MINK1: variants seen among roughly 807,000 people sequenced by gnomAD.
The protein encoded by MINK1 is misshapen like kinase 1, also known as misshapen-like kinase 1.
A neutral mutation model predicts 178.4 loss-of-function variants in MINK1; 46 were observed. That is an observed-to-expected ratio of 0.26 (90% CI 0.20 to 0.33). The LOEUF (loss-of-function observed/expected upper bound fraction) is 0.33, where lower values mean the gene tolerates loss of function less well. MINK1 is among the 10% of genes least tolerant of loss of function. MINK1 has a pLI of 1.00. For synonymous variants in MINK1, 797 were observed against 709.7 expected (o/e 1.12, Z -1.96); for missense variants, 1,366 against 1,814.9 (o/e 0.75, Z 4.49).
rs1214513729 is a variant in MINK1, at chr17:4,892,504, C to T, written c.2190C>T (p.Asn730=). 11 of 1,560,498 alleles carry T rather than the reference C, an allele frequency of 7.0e-6. No individual in the cohort carries two copies. The highest frequency in any genetic ancestry group is 3.8e-5 in the Admixed American group (2 of 52,860). The change falls in exon 18 of 32, where the codon AAC becomes AAT. Residue 730 remains asparagine, a synonymous_variant. Transcript: ENST00000355280. ...CTGCTCAGCCCCCTGGCCCGCCCAA[C>T]GCCTCTAGGTAATAGAGTTGTCCCC... ...GPPAQPPGPP[N]ASSNPDLRRS...
At chr17:4,842,508 A>G (rs2150754177) in intron 1 of MINK1, among the ~76,000 whole-genome samples, 1 of 152,336 alleles carries the variant, frequency 6.6e-6, no homozygotes, top group Middle Eastern at 3.4e-3. Context: ...CATGGCACAT[A>G]TCTAGCAGCT....
rs1968079097 is a variant in MINK1 at position 4,885,138 on chromosome 17, TC to T, written c.508+141del. 9 of 801,952 alleles carry T rather than the reference TC, an allele frequency of 1.1e-5. No homozygotes were observed. In the East Asian group the frequency reaches 2.4e-4, roughly 22 times the overall value. The allele number at this position is 801,952 out of a possible 1,614,324, so 49.7% of individuals were successfully genotyped here. On this transcript the variant is annotated intron_variant, in intron 6 of 31. Transcript: ENST00000355280. The surrounding 1 kb of genome is among the most constrained non-coding windows in gnomAD (Gnocchi z 5.0). The stretch of plus-strand genomic sequence containing the variant: ...GGCTCACTCCCTCCCCTTTCCCCTC[TC>T]CCCCTGGAATGCCCTGCCTCCTGCT...
chr17:4,837,660 G>A (rs973603984), intron 1 of MINK1, among the ~76,000 whole-genome samples: 1 of 152,228 alleles, frequency 6.6e-6, no homozygotes, highest in African/African-American at 2.4e-5. Context: ...GGACAAGGAG[G>A]GGGCAGGCCC....
intron 1 of MINK1, among the ~76,000 whole-genome samples, chr17:4,859,513 A>C (rs1913773447): frequency 6.6e-6 from 1 of 152,138 alleles, no homozygotes; most frequent in Non-Finnish European, 1.5e-5. Flanking sequence ...CAGGCACTTA[A>C]GAAAGACACT....
intron 1 of MINK1, chr17:4,860,868 G>A (rs1914065296): frequency 4.0e-6 from 2 of 496,302 alleles, no homozygotes; most frequent in Admixed American, 2.1e-5. Context: ...GAGCAACTTC[G>A]GGAAGCTTTT....
intron 12 of MINK1, among the ~76,000 whole-genome samples, chr17:4,889,289 T>C (rs1048510217): frequency 1.3e-5 from 2 of 152,138 alleles, no homozygotes; most frequent in Non-Finnish European, 2.9e-5. Flanking sequence ...ACCCGCTCTA[T>C]ATGGACTTCA....
rs190872070 is a variant in MINK1, at chr17:4,886,953, C to G, written c.950-157C>G. 1.1e-4 allele frequency among the ~76,000 whole-genome samples: 17 copies of G among 152,236 alleles called. No individual in the cohort carries two copies. On this transcript the variant is annotated intron_variant, in intron 10 of 31. Transcript: ENST00000355280. This position sits in a 1 kb window ranked among gnomAD's most constrained non-coding sequence, Gnocchi z 6.1. ...AGTCCCGGTCCTGTCCAGGCCCACA[C>G]CTGAGACCCGCTGTCCTCCCATTGC...
intron 1 of MINK1, among the ~76,000 whole-genome samples, chr17:4,848,417 G>A (rs981281527): frequency 3.3e-5 from 5 of 152,210 alleles, no homozygotes; most frequent in Non-Finnish European, 5.9e-5. Context: ...CTGGAGTGCA[G>A]TGGCGTGATC....
Position 4,884,923 on chromosome 17 carries a change from T to C in MINK1, c.429T>C (p.His143=), listed in dbSNP as rs199970406. The C allele has an allele frequency of 2.9e-4, 476 of 1,613,716 alleles. 3 individuals are homozygous for C. Among genetic ancestry groups the C allele is most frequent in the Non-Finnish European group, 5.8e-5 (69 of 1,179,834 alleles). The part of the protein sequence containing the change: ...ICREILRGLA[H]LHAHKVIHRD... ...CTCTCCTGTCCCAGGGTCTGGCCCA[T>C]CTCCATGCCCACAAGGTGATCCATC... is the stretch of plus-strand genomic sequence containing the variant. The change falls in exon 6 of 32, where the codon CAT becomes CAC. Residue 143 remains histidine (H), a synonymous_variant. Coordinates refer to ENST00000355280, the MANE Select transcript of MINK1 (RefSeq NM_153827.5).
rs1223570365 is a variant in MINK1 at position 4,891,083 on chromosome 17, C to G, written c.1699C>G (p.Pro567Ala). Residue 567 changes from proline (P) to alanine (A), a missense_variant, in exon 15 of 32, where the codon CCT becomes GCT. Coordinates refer to ENST00000355280, the MANE Select transcript of MINK1 (RefSeq NM_153827.5). ...CCCAGGACCCCTTTCCCAGACTCCT[C>G]CTATGCAGAGGCCGGTGGAGCCCCA... Reference protein sequence around the residue: ...GPPGPLSQTPPMQRPVEPQEG... With the variant: ...GPPGPLSQTPAMQRPVEPQEG... 6.4e-7 allele frequency: 1 copy of G among 1,552,338 alleles called. No homozygotes were observed. The highest frequency in any genetic ancestry group is 8.7e-7 in the Non-Finnish European group (1 of 1,148,332).
chr17:4,884,507 C>A, intron 5 of MINK1, 34 bp downstream of exon 5: 1 of 1,494,514 alleles, frequency 6.7e-7, no homozygotes, highest in Non-Finnish European at 9.3e-7. Context: ...GTCTTCTCCT[C>A]CGCTACCCTG....
intron 2 of MINK1, among the ~76,000 whole-genome samples, chr17:4,879,567 A>T (rs925380575): frequency 1.3e-5 from 2 of 152,172 alleles, no homozygotes; most frequent in African/African-American, 4.8e-5. Context: ...GAGGATAAAA[A>T]TTACCCATGG....
chr17:4,886,340 T>C lies in MINK1; in HGVS notation c.774-111T>C. 6.7e-7 allele frequency: 1 copy of C among 1,499,540 alleles called. No homozygotes were observed. Among genetic ancestry groups the C allele is most frequent in the Non-Finnish European group, 9.2e-7 (1 of 1,084,534 alleles). The allele number at this position is 1,499,540 out of a possible 1,614,324, so 92.9% of individuals were successfully genotyped here. ...GAGGGCGGTGACTGGTGTTGGGATA[T>C]GAAGACAGGAGGGACGTCAAGGTGG... On this transcript the variant is annotated intron_variant, in intron 9 of 31. Transcript: ENST00000355280. The surrounding 1 kb of genome is among the most constrained non-coding windows in gnomAD (Gnocchi z 6.1).
rs2151088207 is a variant in MINK1, at chr17:4,897,519, G to A, written c.*232G>A. ...TGTGCCTGTCCCCAGCTTCTGGGGAGGGACACAGCTTCCCCTTCCCAGGAA... is the reference window on the plus strand; with the variant it reads ...TGTGCCTGTCCCCAGCTTCTGGGGAAGGACACAGCTTCCCCTTCCCAGGAA... On this transcript the variant is annotated 3_prime_UTR_variant, in exon 32 of 32. Coordinates refer to ENST00000355280, the MANE Select transcript of MINK1 (RefSeq NM_153827.5). The A allele has an allele frequency of 1.9e-6, 1 of 519,432 alleles. No individual in the cohort carries two copies. The highest frequency in any genetic ancestry group is 3.6e-5 in the Admixed American group (1 of 28,140). 32.2% of individuals were successfully genotyped at this position (519,432 alleles called of 1,614,324 possible). A position where few individuals can be genotyped will look rare whatever the true frequency, so the allele number is the denominator to read the frequency against.
At chr17:4,870,882 C>G (rs1264960924) in intron 1 of MINK1, among the ~76,000 whole-genome samples, 2 of 152,156 alleles carry the variant, frequency 1.3e-5, no homozygotes, top group African/African-American at 4.8e-5. Flanking sequence ...TTGGTATACT[C>G]ACAGACTTAT....
At chr17:4,839,767 A>G (rs534279496) in intron 1 of MINK1, among the ~76,000 whole-genome samples, 7 of 152,296 alleles carry the variant, frequency 4.6e-5, no homozygotes, top group Non-Finnish European at 1.0e-4. Flanking sequence ...TAGTGACCCA[A>G]GAGAGCCCCT....
Position 4,836,044 on chromosome 17 carries a change from C to T in MINK1, c.57+2404C>T, listed in dbSNP as rs1224542849. Among the ~76,000 whole-genome samples the T allele has an allele frequency of 6.6e-6, 1 of 152,166 alleles. No homozygotes were observed. Among genetic ancestry groups the T allele is most frequent in the Non-Finnish European group, 1.5e-5 (1 of 68,032 alleles). ...GGCCTACCTTCTCCCTGCTGCAGAC[C>T]TTTTCTCAGTGCCTGTCCCCCTGAC... is the stretch of plus-strand genomic sequence containing the variant. On this transcript the variant is annotated intron_variant, in intron 1 of 31. Transcript: ENST00000355280. The surrounding 1 kb of genome is among the most constrained non-coding windows in gnomAD (Gnocchi z 4.3).
In MINK1 at chr17:4,894,566, G is replaced by C. The variant is rs567807984; in HGVS notation, c.2850G>C (p.Ser950=). Residue 950 remains serine, a synonymous_variant, in exon 24 of 32, where the codon TCG becomes TCC. Coordinates refer to ENST00000355280, the MANE Select transcript of MINK1 (RefSeq NM_153827.5). The surrounding 1 kb of genome is among the most constrained non-coding windows in gnomAD (Gnocchi z 4.1). ...TGGTAAAGGCCCCTGGCAAGAGCTC[G>C]TTCACGATGTTTGTGGATCTAGGGA... is the stretch of plus-strand genomic sequence containing the variant. ...RGLVKAPGKS[S]FTMFVDLGIY... is the part of the protein sequence containing the mutation. The C allele has an allele frequency of 6.2e-7, 1 of 1,608,912 alleles. No homozygotes were observed. The highest frequency in any genetic ancestry group is 8.5e-7 in the Non-Finnish European group (1 of 1,177,552).
chr17:4,838,422 C>T (rs1259099003), intron 1 of MINK1, among the ~76,000 whole-genome samples: 1 of 152,194 alleles, frequency 6.6e-6, no homozygotes, highest in Non-Finnish European at 1.5e-5. Context: ...CCCACCCCCT[C>T]ACTCTTGCCC....
Sources: allele counts gnomAD v4.1 joint callset (sites outside exome capture counted in the v4.1 genomes callset), GRCh38; gene constraint gnomAD v4.1.1; non-coding constraint Gnocchi (gnomAD v3.1); transcripts MANE v1.5; gene names NCBI Gene and HGNC (gene_info 2026-07-23, HGNC 2026-07-21).